The following ANO5 variants were observed in gnomAD, a reference collection of about 807,000 sequenced individuals.
The protein encoded by ANO5 is anoctamin 5, also known as anoctamin-5.
A neutral mutation model predicts 121.0 loss-of-function variants in ANO5; 109 were observed. That is an observed-to-expected ratio of 0.90 (90% CI 0.77 to 1.06). The LOEUF is 1.06. Ranked by LOEUF, ANO5 falls within the 50% of genes least tolerant of loss-of-function variation. The pLI is 0.00. For missense variants in ANO5, 1,064 were observed against 1,078.5 expected (o/e 0.99, Z 0.19); for synonymous variants, 406 against 359.9 (o/e 1.13, Z -1.45).
At chr11:22,243,717 A>G (rs964595679) in intron 9 of ANO5, among the ~76,000 whole-genome samples, 16 of 27,954 alleles carry the variant, frequency 5.7e-4, no homozygotes, top group Non-Finnish European at 2.3e-3. Context: ...AACTTTTCAT[A>G]ATAGTATTGG....
At position 22,262,939 on chromosome 11, in the gene ANO5, T is replaced by C; in HGVS notation, c.1801-7T>C. ...ATTCTGTTTTCTCCCCTCTTGCTTC[T>C]GACTAGTGTGATCCTGGAGGCTGTC... On this transcript the variant is annotated splice_region_variant and splice_polypyrimidine_tract_variant and intron_variant, in intron 16 of 21. Transcript: ENST00000324559. 1 of 1,604,872 alleles carries C rather than the reference T, an allele frequency of 6.2e-7. No individual in the cohort carries two copies. The highest frequency in any genetic ancestry group is 8.5e-7 in the Non-Finnish European group (1 of 1,171,766).
chr11:22,260,785 C>CT (rs1327222437), intron 15 of ANO5, among the ~76,000 whole-genome samples: 3 of 152,278 alleles, frequency 2.0e-5, no homozygotes, highest in African/African-American at 7.2e-5. Flanking sequence ...GCTCATGCTA[C>CT]TGGGAGATCA....
At chr11:22,226,451 T>G (rs1852835578) in intron 6 of ANO5, among the ~76,000 whole-genome samples, 1 of 152,160 alleles carries the variant, frequency 6.6e-6, no homozygotes, top group South Asian at 2.1e-4. Flanking sequence ...CTTTTTAAAG[T>G]CATTTTATTT....
chr11:22,215,476 T>C (rs1194472378), intron 3 of ANO5, among the ~76,000 whole-genome samples: 1 of 151,978 alleles, frequency 6.6e-6, no homozygotes, highest in Non-Finnish European at 1.5e-5. Context: ...GTTTCAAGTG[T>C]AGTCCTTTCT....
chr11:22,250,879 T>A (rs1280821705), intron 11 of ANO5, 33 bp downstream of exon 11: 2 of 1,610,440 alleles, frequency 1.2e-6, no homozygotes. Context: ...TGAAAAGACT[T>A]GGAATTTTCC....
At chr11:22,211,353 C>A (rs757894646) in intron 3 of ANO5, 39 bp downstream of exon 3, 6 of 1,583,624 alleles carry the variant, frequency 3.8e-6, no homozygotes, top group East Asian at 2.2e-5. Flanking sequence ...TGCATGGACA[C>A]AAATGGGGCA....
At chr11:22,205,654 G>C (rs1852096321) in intron 2 of ANO5, among the ~76,000 whole-genome samples, 1 of 151,980 alleles carries the variant, frequency 6.6e-6, no homozygotes, top group Non-Finnish European at 1.5e-5. Context: ...AAACCAGAAA[G>C]TATTAGAAAA....
upstream of ANO5, chr11:22,192,922 C>G: frequency 1.1e-6 from 1 of 941,060 alleles, no homozygotes; most frequent in Non-Finnish European, 1.3e-6. Context: ...ACGGCTTGAG[C>G]GGAGAGGAGG....
chr11:22,279,395 G>C, intron 21 of ANO5, 149 bp from the exon 22 acceptor site: 1 of 664,928 alleles, frequency 1.5e-6, no homozygotes. Flanking sequence ...TTGTATGAAA[G>C]TTCTAGGACA....
At chr11:22,257,811 T>C (rs1319675362) in intron 14 of ANO5, 57 bp downstream of exon 14, 3 of 1,416,944 alleles carry the variant, frequency 2.1e-6, no homozygotes, top group Non-Finnish European at 3.0e-6. Context: ...AAATGAGCTA[T>C]CTCAACAGTG....
intron 19 of ANO5, among the ~76,000 whole-genome samples, chr11:22,273,582 T>G (rs929991460): frequency 6.6e-6 from 1 of 152,096 alleles, no homozygotes; most frequent in Non-Finnish European, 1.5e-5. Flanking sequence ...TGCCATACAT[T>G]TTTAATTATT....
chr11:22,210,736 C>T (rs989133210), intron 2 of ANO5, among the ~76,000 whole-genome samples: 4 of 151,776 alleles, frequency 2.6e-5, no homozygotes, highest in Non-Finnish European at 5.9e-5. Context: ...ACATGTATGG[C>T]TTTTTTTGAA....
chr11:22,197,953 G>T (rs563371232), intron 1 of ANO5, among the ~76,000 whole-genome samples: 9 of 152,144 alleles, frequency 5.9e-5, no homozygotes, highest in Non-Finnish European at 1.0e-4. Context: ...TTTTGACAGA[G>T]GTTTTGGTGA....
At chr11:22,232,044 TC>T (rs1447750141) in intron 7 of ANO5, among the ~76,000 whole-genome samples, 5 of 151,988 alleles carry the variant, frequency 3.3e-5, no homozygotes, top group Non-Finnish European at 7.4e-5. Context: ...ATTCCTTGTC[TC>T]CTCTGCAGAG....
intron 3 of ANO5, among the ~76,000 whole-genome samples, chr11:22,213,623 C>G (rs1852350411): frequency 6.7e-6 from 1 of 148,680 alleles, no homozygotes; most frequent in Non-Finnish European, 1.5e-5. Context: ...TAAAGTTACT[C>G]TTTTTTTTTT....
At chr11:22,234,961 A>G (rs1478350986) in intron 7 of ANO5, among the ~76,000 whole-genome samples, 4 of 152,060 alleles carry the variant, frequency 2.6e-5, no homozygotes, top group African/African-American at 9.7e-5. Flanking sequence ...ATTGTGATGT[A>G]TAGCAGCTCC....
At chr11:22,250,203 C>T (rs1408574245) in intron 9 of ANO5, 34 bp from the exon 10 acceptor site, 7 of 1,537,400 alleles carry the variant, frequency 4.6e-6, no homozygotes, top group Admixed American at 3.4e-5. Flanking sequence ...AACATTCTTC[C>T]ATATTCTGAT....
chr11:22,257,894 A>G (rs1430913007), intron 14 of ANO5, 140 bp downstream of exon 14: 2 of 715,350 alleles, frequency 2.8e-6, no homozygotes, highest in African/African-American at 1.8e-5. Context: ...TATAGCTCTT[A>G]TACAAAATAA....
chr11:22,268,967 G>A (rs988642976), intron 17 of ANO5, among the ~76,000 whole-genome samples: 5 of 151,896 alleles, frequency 3.3e-5, no homozygotes, highest in Non-Finnish European at 7.4e-5. Flanking sequence ...TCACACCACT[G>A]CACTCCAGCC....
Sources: gnomAD v4.1 joint callset for allele counts (sites outside exome capture counted in the v4.1 genomes callset) on GRCh38, gnomAD v4.1.1 for gene constraint, MANE v1.5 for transcripts, NCBI Gene and HGNC (gene_info 2026-07-23, HGNC 2026-07-21) for gene names.